Variants in NUCKS1 observed in about 807,000 individuals in gnomAD.
The protein encoded by NUCKS1 is nuclear ubiquitous casein and cyclin-dependent kinase substrate 1.
In NUCKS1, 2 loss-of-function variants were observed where a neutral mutation model predicts 33.0. That is an observed-to-expected ratio of 0.06 (90% confidence interval 0.02 to 0.19). The LOEUF is 0.19. NUCKS1 is among the 10% of genes least tolerant of loss of function. The pLI is 1.00. For missense variants in NUCKS1, 201 were observed against 293.6 expected, an observed-to-expected ratio of 0.68 and a Z score of 2.31; for synonymous variants, 106 against 102.8, an observed-to-expected ratio of 1.03 and a Z score of -0.19.
In NUCKS1 at chr1:205,716,599, G is replaced by A. The variant is rs1259377061; in HGVS notation, c.*1681C>T. On this transcript the variant is annotated 3_prime_UTR_variant, in exon 7 of 7. Transcript: ENST00000367142. ...GCAATAGTGAAATGACTCTGCCACT[G>A]TGTGTTTTTTAAAAAAAGATCAGAG... 1.3e-5 allele frequency: 2 copies of A among 152,100 alleles called. No individual in the cohort carries two copies. The highest frequency in any genetic ancestry group is 2.9e-5 in the Non-Finnish European group (2 of 68,004). The allele number at this position is 152,100 out of a possible 1,614,324, so 9.4% of individuals were successfully genotyped here.
chr1:205,716,550 CT>C lies in NUCKS1; in HGVS notation c.*1729del, dbSNP rs1284199173. 6.6e-6 allele frequency: 1 copy of C among 152,132 alleles called. No individual in the cohort carries two copies. Among genetic ancestry groups the C allele is most frequent in the Non-Finnish European group, 1.5e-5 (1 of 68,032 alleles). 9.4% of individuals were successfully genotyped at this position (152,132 alleles called of 1,614,324 possible). ...TTTTTGGCCATGTAACTGAAAACTCCTTATTCATTCTTTAACACACAGTGCA... is the reference window on the plus strand; with the variant it reads ...TTTTTGGCCATGTAACTGAAAACTCCTATTCATTCTTTAACACACAGTGCA... On this transcript the variant is annotated 3_prime_UTR_variant, in exon 7 of 7. Coordinates refer to ENST00000367142, the MANE Select transcript of NUCKS1 (RefSeq NM_022731.5).
chr1:205,720,092 T>C (rs1447714749), intron 5 of NUCKS1, among the ~76,000 whole-genome samples: 2 of 152,120 alleles, frequency 1.3e-5, no homozygotes, highest in African/African-American at 4.8e-5. Context: ...AAAACAAAAA[T>C]ACATAGGATT....
At chr1:205,749,892 C>T (rs949820597) in intron 1 of NUCKS1, 65 bp downstream of exon 1, 23 of 1,527,314 alleles carry the variant, frequency 1.5e-5, no homozygotes, top group Middle Eastern at 1.7e-4. Context: ...TTCTGTCCCC[C>T]ACTCTTTTCA....
At chr1:205,746,490 A>ACACACACAC (rs1558057646) in intron 1 of NUCKS1, among the ~76,000 whole-genome samples, 40 of 67,782 alleles carry the variant, frequency 5.9e-4, no homozygotes, top group East Asian at 2.5e-3. Context: ...CACACACACT[A>ACACACACAC]GAGAATAAGA....
rs1671771861 is a variant in NUCKS1 at position 205,713,103 on chromosome 1, A to C, written c.*5177T>G. 1 of 152,190 alleles carries C rather than the reference A, an allele frequency of 6.6e-6. No individual in the cohort carries two copies. Among genetic ancestry groups the C allele is most frequent in the Non-Finnish European group, 1.5e-5 (1 of 68,026 alleles). 9.4% of individuals were successfully genotyped at this position (152,190 alleles called of 1,614,324 possible). On this transcript the variant is annotated 3_prime_UTR_variant, in exon 7 of 7. Coordinates refer to ENST00000367142, the MANE Select transcript of NUCKS1 (RefSeq NM_022731.5). The stretch of plus-strand genomic sequence containing the variant: ...TTATTAGGGAAATAAGTTCCCACAA[A>C]GTCAGGCTGAACTGGGAGCTGATTA...
chr1:205,727,951 T>G (rs1181741705), intron 2 of NUCKS1, 146 bp from the exon 3 acceptor site: 7 of 638,418 alleles, frequency 1.1e-5, no homozygotes, highest in Non-Finnish European at 1.9e-5. Flanking sequence ...TTTAAAAAAC[T>G]AAATTATTTC....
chr1:205,725,267 T>G (rs968331142), intron 3 of NUCKS1, among the ~76,000 whole-genome samples: 1 of 152,192 alleles, frequency 6.6e-6, no homozygotes, highest in Admixed American at 6.5e-5. Context: ...TACGATTCCA[T>G]GAAAAATTCT....
intron 3 of NUCKS1, among the ~76,000 whole-genome samples, chr1:205,726,449 G>A (rs1292047218): frequency 6.6e-6 from 1 of 152,210 alleles, no homozygotes; most frequent in East Asian, 1.9e-4. Context: ...TTCCTTAAAA[G>A]CACACTTCTG....
chr1:205,725,814 A>C (rs1327641894), intron 3 of NUCKS1, among the ~76,000 whole-genome samples: 1 of 152,262 alleles, frequency 6.6e-6, no homozygotes, highest in Non-Finnish European at 1.5e-5. Flanking sequence ...TAATTATGTC[A>C]ATGAGACATT....
intron 1 of NUCKS1, among the ~76,000 whole-genome samples, chr1:205,732,262 C>CTA (rs1384088329): frequency 6.6e-6 from 1 of 152,112 alleles, no homozygotes; most frequent in Admixed American, 6.6e-5. Context: ...ACCAAAGATA[C>CTA]TATATTATTA....
intron 5 of NUCKS1, 129 bp downstream of exon 5, chr1:205,720,372 A>T: frequency 1.2e-6 from 1 of 841,630 alleles, no homozygotes; most frequent in Middle Eastern, 2.4e-4. Flanking sequence ...ATCTCTTTTA[A>T]CACGGAGTAT....
intron 1 of NUCKS1, among the ~76,000 whole-genome samples, chr1:205,739,136 G>A (rs1472614654): frequency 2.0e-5 from 3 of 152,160 alleles, no homozygotes; most frequent in Non-Finnish European, 2.9e-5. Context: ...ATTAACTGAG[G>A]AAACTATGCT....
At chr1:205,734,130 T>C (rs1653980291) in intron 1 of NUCKS1, among the ~76,000 whole-genome samples, 1 of 152,070 alleles carries the variant, frequency 6.6e-6, no homozygotes. Flanking sequence ...CCTCTCACCT[T>C]AATCTCCCAA....
intron 1 of NUCKS1, among the ~76,000 whole-genome samples, chr1:205,745,488 C>T (rs1321850015): frequency 7.0e-6 from 1 of 143,672 alleles, no homozygotes; most frequent in African/African-American, 2.6e-5. Context: ...ATCCTGTCTC[C>T]AAAAAAAAAA....
intron 6 of NUCKS1, 140 bp from the exon 7 acceptor site, chr1:205,718,619 G>A: frequency 1.7e-6 from 2 of 1,157,436 alleles, no homozygotes; most frequent in Non-Finnish European, 2.4e-6. Flanking sequence ...TGGGCACAAG[G>A]GAGCACATAT....
At chr1:205,719,765 A>G in intron 5 of NUCKS1, 89 bp from the exon 6 acceptor site, 5 of 1,439,456 alleles carry the variant, frequency 3.5e-6, no homozygotes, top group Non-Finnish European at 4.7e-6. Context: ...TGACTAGAGG[A>G]TGGGATTTGG....
In NUCKS1 at chr1:205,744,630, G is replaced by GTTTTTTTTTTTTT. The variant is rs10672842; in HGVS notation, c.17+5314_17+5326dup. Reference sequence around the variant, plus strand: ...TGTGAAAATTCCTAAGTTCACTAGAGTTTTTTTTTTTTTTTTTTTGAGACG... The same window carrying GTTTTTTTTTTTTT: ...TGTGAAAATTCCTAAGTTCACTAGAGTTTTTTTTTTTTTTTTTTTTTTTTTTTTTTTTGAGACG... On this transcript the variant is annotated intron_variant, in intron 1 of 6. Coordinates refer to ENST00000367142, the MANE Select transcript of NUCKS1 (RefSeq NM_022731.5). Among the ~76,000 whole-genome samples the GTTTTTTTTTTTTT allele has an allele frequency of 3.4e-4, 30 of 87,764 alleles. 3 individuals carry two copies. Among genetic ancestry groups the GTTTTTTTTTTTTT allele is most frequent in the Admixed American group, 5.0e-4 (3 of 6,052 alleles). The allele number at this position is 87,764 out of a possible 152,430, so 57.6% of individuals were successfully genotyped here. A position where few individuals can be genotyped will look rare whatever the true frequency, so the allele number is the denominator to read the frequency against.
At chr1:205,734,404 T>C (rs1170329612) in intron 1 of NUCKS1, among the ~76,000 whole-genome samples, 1 of 152,140 alleles carries the variant, frequency 6.6e-6, no homozygotes. Context: ...AATGATCTCA[T>C]ATGCCATTTA....
intron 1 of NUCKS1, among the ~76,000 whole-genome samples, chr1:205,742,228 A>C (rs1654193756): frequency 6.6e-6 from 1 of 152,198 alleles, no homozygotes; most frequent in African/African-American, 2.4e-5. Context: ...ATCTCCCTGA[A>C]GATCGCCTTG....
Sources: gnomAD v4.1 joint callset for allele counts (sites outside exome capture counted in the v4.1 genomes callset) on GRCh38, gnomAD v4.1.1 for gene constraint, MANE v1.5 for transcripts, NCBI Gene and HGNC (gene_info 2026-07-23, HGNC 2026-07-21) for gene names.